Variants in VAMP5 observed in about 807,000 individuals in gnomAD.
VAMP5 encodes vesicle associated membrane protein 5, also known as vesicle-associated membrane protein 5.
In VAMP5, 10 loss-of-function variants were observed where a neutral mutation model predicts 8.1. That is an observed-to-expected ratio of 1.23 (90% CI 0.76 to 2.09). VAMP5 has a LOEUF of 2.09. VAMP5 is among the 30% of genes most tolerant of loss of function. The pLI is 0.00. For missense variants in VAMP5, 135 were observed against 152.5 expected (o/e 0.89, Z 0.60); for synonymous variants, 62 against 60.6 (o/e 1.02, Z -0.11).
chr2:85,585,123 G>A (rs1404996906), intron 1 of VAMP5, among the ~76,000 whole-genome samples: 1 of 152,246 alleles, frequency 6.6e-6, no homozygotes. Context: ...GAGAAAGGGA[G>A]ATGTTTACTC....
chr2:85,584,486 C>A lies in VAMP5; in HGVS notation c.-5C>A. ...GGAGCGGGCGAGGCGGCGGCGGCAG[C>A]AGCGATGGTGAGGGCCCAGGCGGGG... is the stretch of plus-strand genomic sequence containing the variant. On this transcript the variant is annotated 5_prime_UTR_variant, in exon 1 of 3. Coordinates refer to ENST00000306384, the MANE Select transcript of VAMP5 (RefSeq NM_006634.3). 1 of 1,243,340 alleles carries A rather than the reference C, an allele frequency of 8.0e-7. No homozygotes were observed. Among genetic ancestry groups the A allele is most frequent in the South Asian group, 3.6e-5 (1 of 27,528 alleles). The allele number at this position is 1,243,340 out of a possible 1,614,324, so 77.0% of individuals were successfully genotyped here. A position where few individuals can be genotyped will look rare whatever the true frequency, so the allele number is the denominator to read the frequency against.
At chr2:85,591,205 A>C (rs1233825800) in intron 1 of VAMP5, among the ~76,000 whole-genome samples, 1 of 152,236 alleles carries the variant, frequency 6.6e-6, no homozygotes, top group Admixed American at 6.5e-5. Context: ...GTTTGGGGAT[A>C]GAGGGGTTAG....
chr2:85,584,735 C>T (rs753619605), intron 1 of VAMP5, among the ~76,000 whole-genome samples: 30 of 152,264 alleles, frequency 2.0e-4, no homozygotes, highest in Non-Finnish European at 3.5e-4. Flanking sequence ...GGGACTCGGG[C>T]TCCCCATTCT....
intron 2 of VAMP5, among the ~76,000 whole-genome samples, chr2:85,592,688 C>A (rs1413995282): frequency 6.6e-6 from 1 of 151,642 alleles, no homozygotes; most frequent in Non-Finnish European, 1.5e-5. Context: ...GTAGTCCCAG[C>A]TACTAGGGAG....
chr2:85,593,155 T>C lies in VAMP5; in HGVS notation c.349T>C (p.Ter117ArgextTer5). 6.2e-7 allele frequency: 1 copy of C among 1,614,162 alleles called. No homozygotes were observed. Among genetic ancestry groups the C allele is most frequent in the Non-Finnish European group, 8.5e-7 (1 of 1,180,022 alleles). ...DAGIASGPGN[*>R] ...AGGCATTGCCTCAGGGCCTGGGAAC[T>C]GACCCAGCTGGTCCTGAAGGAGAAG... The change falls in exon 3 of 3, where the codon TGA becomes CGA. Residue 117 changes from the stop codon to arginine (R), a stop_lost. Coordinates refer to ENST00000306384, the MANE Select transcript of VAMP5 (RefSeq NM_006634.3).
chr2:85,591,718 T>G lies in VAMP5; in HGVS notation c.4-7T>G, dbSNP rs1672540553. 2 of 1,613,976 alleles carry G rather than the reference T, an allele frequency of 1.2e-6. No individual in the cohort carries two copies. Among genetic ancestry groups the G allele is most frequent in the Non-Finnish European group, 1.7e-6 (2 of 1,179,968 alleles). Reference sequence around the variant, plus strand: ...CATGCAGCCCTGACCTCGGGCTTGGTGTCCAGGCAGGAATAGAGTTGGAGC... The same window carrying G: ...CATGCAGCCCTGACCTCGGGCTTGGGGTCCAGGCAGGAATAGAGTTGGAGC... On this transcript the variant is annotated splice_region_variant and splice_polypyrimidine_tract_variant and intron_variant, in intron 1 of 2. Coordinates refer to ENST00000306384, the MANE Select transcript of VAMP5 (RefSeq NM_006634.3).
chr2:85,587,970 T>TA (rs1460269957), intron 1 of VAMP5, among the ~76,000 whole-genome samples: 1 of 152,058 alleles, frequency 6.6e-6, no homozygotes, highest in African/African-American at 2.4e-5. Flanking sequence ...AGAGTTAGGA[T>TA]AGGGAGGTTT....
rs186400361 is a variant in VAMP5 at position 85,590,834 on chromosome 2, G to A, written c.4-891G>A. 3.2e-3 allele frequency among the ~76,000 whole-genome samples: 494 copies of A among 152,246 alleles called. 1 individual carries two copies. The highest frequency in any genetic ancestry group is 4.8e-3 in the Non-Finnish European group (329 of 68,024). ...CCTGCCTGGTGTCTCTCTCTGTTAC[G>A]TGCACCCAAAGCCCAGTGCCTTTCT... On this transcript the variant is annotated intron_variant, in intron 1 of 2. Coordinates refer to ENST00000306384, the MANE Select transcript of VAMP5 (RefSeq NM_006634.3).
In VAMP5 at chr2:85,591,852, T is replaced by C; in HGVS notation, c.131T>C (p.Leu44Pro). Reference protein sequence around the residue: ...LAELQQRSDQLLDMSSTFNKT... With the variant: ...LAELQQRSDQPLDMSSTFNKT... The stretch of plus-strand genomic sequence containing the variant: ...GAACTGCAGCAGCGTTCAGACCAAC[T>C]CCTGGATATGGTGTGAGGCCTGGGG... Residue 44 changes from leucine to proline, a missense_variant, in exon 2 of 3, where the codon CTC becomes CCC. Coordinates refer to ENST00000306384, the MANE Select transcript of VAMP5 (RefSeq NM_006634.3). 1.2e-6 allele frequency: 2 copies of C among 1,614,094 alleles called. No homozygotes were observed. Among genetic ancestry groups the C allele is most frequent in the Non-Finnish European group, 1.7e-6 (2 of 1,180,012 alleles).
intron 1 of VAMP5, among the ~76,000 whole-genome samples, chr2:85,585,213 T>G (rs761380112): frequency 5.3e-5 from 8 of 152,204 alleles, no homozygotes; most frequent in Non-Finnish European, 8.8e-5. Flanking sequence ...CATTCCTGAG[T>G]TGAGTCATCC....
rs144141319 is a variant in VAMP5 at position 85,592,472 on chromosome 2, T to C, written c.142-476T>C. Among the ~76,000 whole-genome samples the C allele has an allele frequency of 3.1e-3, 473 of 151,268 alleles. 5 individuals are homozygous for C. Among genetic ancestry groups the C allele is most frequent in the African/African-American group, 0.011 (440 of 41,178 alleles). On this transcript the variant is annotated intron_variant, in intron 2 of 2. Coordinates refer to ENST00000306384, the MANE Select transcript of VAMP5 (RefSeq NM_006634.3). ...GGGCCACACCGGTGTTTGAGATGAGTCAGGCTGGGAGGGTTCCACGGCAGG... is the reference window on the plus strand; with the variant it reads ...GGGCCACACCGGTGTTTGAGATGAGCCAGGCTGGGAGGGTTCCACGGCAGG...
chr2:85,593,217 G>T lies in VAMP5; in HGVS notation c.*60G>T. On this transcript the variant is annotated 3_prime_UTR_variant, in exon 3 of 3. Coordinates refer to ENST00000306384, the MANE Select transcript of VAMP5 (RefSeq NM_006634.3). Reference sequence around the variant, plus strand: ...CACTGGCCGATTCTGGTCTCCAGAGGACCTTGGTGTTTGCTCTCCCTTGAC... The same window carrying T: ...CACTGGCCGATTCTGGTCTCCAGAGTACCTTGGTGTTTGCTCTCCCTTGAC... 6.3e-7 allele frequency: 1 copy of T among 1,585,596 alleles called. No homozygotes were observed. Among genetic ancestry groups the T allele is most frequent in the Non-Finnish European group, 8.6e-7 (1 of 1,162,826 alleles).
chr2:85,585,112 A>G (rs1672445608), intron 1 of VAMP5, among the ~76,000 whole-genome samples: 1 of 152,232 alleles, frequency 6.6e-6, no homozygotes, highest in African/African-American at 2.4e-5. Context: ...CCCTAGAGAA[A>G]GAGAAAGGGA....
chr2:85,588,521 CCT>C (rs200014861), intron 1 of VAMP5, among the ~76,000 whole-genome samples: 2,387 of 152,210 alleles, frequency 0.016, 54 homozygotes, highest in African/African-American at 0.054. Context: ...GCTTGTCACC[CCT>C]CTCCCGCCTG....
At chr2:85,591,266 G>T (rs1672534565) in intron 1 of VAMP5, among the ~76,000 whole-genome samples, 1 of 152,356 alleles carries the variant, frequency 6.6e-6, no homozygotes, top group African/African-American at 2.4e-5. Flanking sequence ...AGCCTGTAGG[G>T]TAGGTCTCCT....
intron 1 of VAMP5, among the ~76,000 whole-genome samples, chr2:85,587,406 A>G (rs1344528045): frequency 6.6e-6 from 1 of 151,902 alleles, no homozygotes; most frequent in Non-Finnish European, 1.5e-5. Flanking sequence ...GGTGCCCGCC[A>G]CCACGCCTGG....
At chr2:85,585,752 C>T (rs180946738) in intron 1 of VAMP5, among the ~76,000 whole-genome samples, 8 of 152,324 alleles carry the variant, frequency 5.3e-5, no homozygotes, top group African/African-American at 1.9e-4. Context: ...GAGGTCGCTC[C>T]TCCACCCATC....
chr2:85,585,748 G>A (rs188103912), intron 1 of VAMP5, among the ~76,000 whole-genome samples: 176 of 152,298 alleles, frequency 1.2e-3, no homozygotes, highest in African/African-American at 4.0e-3. Flanking sequence ...TGGGGAGGTC[G>A]CTCCTCCACC....
chr2:85,584,624 G>C, intron 1 of VAMP5, 131 bp downstream of exon 1: 1 of 1,117,862 alleles, frequency 8.9e-7, no homozygotes, highest in Non-Finnish European at 1.1e-6. Flanking sequence ...CTGAGGCGGT[G>C]ACCACTGCTG....
Sources: allele counts gnomAD v4.1 joint callset (sites outside exome capture counted in the v4.1 genomes callset), GRCh38; gene constraint gnomAD v4.1.1; transcripts MANE v1.5; gene names NCBI Gene and HGNC (gene_info 2026-07-23, HGNC 2026-07-21).